GPC5: variants seen among roughly 807,000 people sequenced by gnomAD.
The protein encoded by GPC5 is glypican-5.
In GPC5, 47 loss-of-function variants were observed where a neutral mutation model predicts 53.9. The ratio of observed to expected loss-of-function variants is 0.87; its 90% CI spans 0.69 to 1.11. The LOEUF (loss-of-function observed/expected upper bound fraction) is 1.11. GPC5 is among the 50% of genes most tolerant of loss of function. The probability of loss-of-function intolerance (pLI) is 0.00; values close to 1 mark genes in which losing one functional copy is unlikely to be tolerated. For missense variants in GPC5, 748 were observed against 713.1 expected (o/e 1.05, Z -0.56); for synonymous variants, 286 against 263.3 (o/e 1.09, Z -0.84).
At chr13:92,194,682 C>A (rs1209505142) in intron 7 of GPC5, among the ~76,000 whole-genome samples, 1 of 152,154 alleles carries the variant, frequency 6.6e-6, no homozygotes, top group African/African-American at 2.4e-5. Context: ...TCAAATGCAT[C>A]AGAGAGTAGA....
intron 2 of GPC5, among the ~76,000 whole-genome samples, chr13:91,535,365 A>G (rs192414199): frequency 3.3e-5 from 5 of 152,172 alleles, no homozygotes; most frequent in African/African-American, 1.2e-4. Context: ...AGGTCCTGCT[A>G]TCTTGTGTTG....
intron 2 of GPC5, among the ~76,000 whole-genome samples, chr13:91,456,711 A>G (rs1048404890): frequency 1.3e-5 from 2 of 152,068 alleles, no homozygotes; most frequent in Non-Finnish European, 2.9e-5. Context: ...CCCGTGGAAC[A>G]AACTTAAAAA....
intron 7 of GPC5, among the ~76,000 whole-genome samples, chr13:92,685,559 A>ATTTTTTTTTTTTTT (rs1887243081): frequency 9.6e-6 from 1 of 104,582 alleles, no homozygotes; most frequent in African/African-American, 3.8e-5. Flanking sequence ...TTTTTTTTTT[A>ATTTTTTTTTTTTTT]ATTTTTTTTT....
chr13:92,743,963 C>A (rs1450758168), intron 7 of GPC5, among the ~76,000 whole-genome samples: 1 of 152,130 alleles, frequency 6.6e-6, no homozygotes, highest in Middle Eastern at 3.4e-3. Flanking sequence ...GAAACATGAT[C>A]TAATTTGCAG....
intron 7 of GPC5, among the ~76,000 whole-genome samples, chr13:92,295,130 C>T (rs1052749858): frequency 2.0e-5 from 3 of 152,150 alleles, no homozygotes; most frequent in Non-Finnish European, 2.9e-5. Context: ...ATGCCCGGCC[C>T]AAACTTTTCG....
chr13:91,617,232 C>A (rs547617763), intron 2 of GPC5, among the ~76,000 whole-genome samples: 1 of 152,232 alleles, frequency 6.6e-6, no homozygotes, highest in South Asian at 2.1e-4. Context: ...AAATTATTGG[C>A]TCAATGTGGC....
chr13:91,600,026 A>G (rs1223927011), intron 2 of GPC5, among the ~76,000 whole-genome samples: 3 of 151,918 alleles, frequency 2.0e-5, no homozygotes, highest in Non-Finnish European at 4.4e-5. Flanking sequence ...GGTTCAAGCA[A>G]TTCTCTGCCT....
chr13:92,796,900 T>C (rs1190637752), intron 7 of GPC5, among the ~76,000 whole-genome samples: 1 of 151,900 alleles, frequency 6.6e-6, no homozygotes, highest in Non-Finnish European at 1.5e-5. Flanking sequence ...AAGGCTGTTA[T>C]ATTTTTAAAA....
chr13:91,576,358 C>G (rs2032136676), intron 2 of GPC5, among the ~76,000 whole-genome samples: 1 of 151,358 alleles, frequency 6.6e-6, no homozygotes, highest in Non-Finnish European at 1.5e-5. Flanking sequence ...TTGTACACCA[C>G]AAATATATAT....
intron 4 of GPC5, among the ~76,000 whole-genome samples, chr13:91,739,519 T>A (rs186913515): frequency 6.6e-6 from 1 of 151,556 alleles, no homozygotes; most frequent in Non-Finnish European, 1.5e-5. Context: ...TTAGAGAGAC[T>A]GCTGTCAAGA....
intron 7 of GPC5, among the ~76,000 whole-genome samples, chr13:92,362,770 T>C (rs1293432043): frequency 6.6e-6 from 1 of 151,740 alleles, no homozygotes; most frequent in African/African-American, 2.4e-5. Context: ...ATTTTACACT[T>C]CTCTTCAGGT....
At chr13:91,448,177 T>C (rs1880930741) in intron 1 of GPC5, among the ~76,000 whole-genome samples, 1 of 152,248 alleles carries the variant, frequency 6.6e-6, no homozygotes, top group South Asian at 2.1e-4. Context: ...GGATTGTCTC[T>C]CGCCAGCTAT....
intron 7 of GPC5, among the ~76,000 whole-genome samples, chr13:92,584,944 G>A (rs987156321): frequency 4.6e-5 from 7 of 152,096 alleles, no homozygotes; most frequent in African/African-American, 1.7e-4. Flanking sequence ...ATTGAGGTTT[G>A]GGAACCTCCA....
intron 7 of GPC5, among the ~76,000 whole-genome samples, chr13:92,806,194 G>T (rs888818772): frequency 1.3e-5 from 2 of 152,060 alleles, no homozygotes; most frequent in African/African-American, 2.4e-5. Flanking sequence ...TTATGTTACG[G>T]AGATGGCTTC....
At chr13:92,019,929 T>C (rs1356492000) in intron 6 of GPC5, among the ~76,000 whole-genome samples, 19 of 152,092 alleles carry the variant, frequency 1.2e-4, no homozygotes. Flanking sequence ...AATTATTATC[T>C]TATAATTCTG....
At chr13:92,343,279 C>A (rs1393412420) in intron 7 of GPC5, among the ~76,000 whole-genome samples, 1 of 152,128 alleles carries the variant, frequency 6.6e-6, no homozygotes, top group African/African-American at 2.4e-5. Context: ...AGGAGGCCAG[C>A]AGGGCAGGAA....
At chr13:91,453,158 C>G (rs1022342821) in intron 2 of GPC5, among the ~76,000 whole-genome samples, 3 of 151,626 alleles carry the variant, frequency 2.0e-5, no homozygotes, top group African/African-American at 7.3e-5. Flanking sequence ...GCAAGCCTGT[C>G]CTCTGGGGTT....
intron 7 of GPC5, among the ~76,000 whole-genome samples, chr13:92,401,096 C>G (rs569311010): frequency 6.6e-6 from 1 of 151,730 alleles, no homozygotes; most frequent in Non-Finnish European, 1.5e-5. Flanking sequence ...CAGACCTGTA[C>G]AGTAGACTGT....
chr13:91,925,021 G>T (rs1172623481), intron 6 of GPC5, among the ~76,000 whole-genome samples: 1 of 151,902 alleles, frequency 6.6e-6, no homozygotes, highest in Admixed American at 6.6e-5. Flanking sequence ...AGGTTTCACC[G>T]TGTTAACCAG....
Sources: gnomAD v4.1 joint callset for allele counts (sites outside exome capture counted in the v4.1 genomes callset) on GRCh38, gnomAD v4.1.1 for gene constraint, MANE v1.5 for transcripts, NCBI Gene and HGNC (gene_info 2026-07-23, HGNC 2026-07-21) for gene names.